The following HS6ST3 variants were observed in gnomAD, a reference collection of about 807,000 sequenced individuals.
HS6ST3 encodes heparan-sulfate 6-O-sulfotransferase 3.
A neutral mutation model predicts 36.7 loss-of-function variants in HS6ST3; 12 were observed. The ratio of observed to expected loss-of-function variants is 0.33; its 90% CI spans 0.21 to 0.53. The LOEUF is 0.53. HS6ST3 is among the 20% of genes least tolerant of loss of function. The probability of loss-of-function intolerance (pLI) is 0.95; values close to 1 mark genes in which losing one functional copy is unlikely to be tolerated. For missense variants in HS6ST3, 584 were observed against 640.9 expected (o/e 0.91, Z 0.96); for synonymous variants, 240 against 257.5 (o/e 0.93, Z 0.65).
At chr13:96,268,229 G>C (rs1329192029) in intron 1 of HS6ST3, among the ~76,000 whole-genome samples, 1 of 151,974 alleles carries the variant, frequency 6.6e-6, no homozygotes, top group East Asian at 1.9e-4. Flanking sequence ...TGCTAATAAA[G>C]ACATACCAGA....
rs145081903 is a variant in HS6ST3 at position 96,108,952 on chromosome 13, C to CCTATCTCTATCTCTATCT, written c.707+17413_707+17430dup. On this transcript the variant is annotated intron_variant, in intron 1 of 1. Coordinates refer to ENST00000376705, the MANE Select transcript of HS6ST3 (RefSeq NM_153456.4). ...AAAGGTTAAATCTGTGACAACCACT[C>CCTATCTCTATCTCTATCT]CTATCTCTATCTCTATCTCTATCTC... 4.4e-3 allele frequency among the ~76,000 whole-genome samples: 658 copies of CCTATCTCTATCTCTATCT among 147,918 alleles called. 6 individuals are homozygous for CCTATCTCTATCTCTATCT. Among genetic ancestry groups the CCTATCTCTATCTCTATCT allele is most frequent in the African/African-American group, 0.011 (424 of 40,072 alleles).
At chr13:96,486,843 G>A (rs908688269) in intron 1 of HS6ST3, among the ~76,000 whole-genome samples, 1 of 152,136 alleles carries the variant, frequency 6.6e-6, no homozygotes, top group Non-Finnish European at 1.5e-5. Flanking sequence ...ACCCTCAACT[G>A]AGAAGGCAGT....
At chr13:96,190,649 G>A (rs947598268) in intron 1 of HS6ST3, among the ~76,000 whole-genome samples, 1 of 152,258 alleles carries the variant, frequency 6.6e-6, no homozygotes, top group Middle Eastern at 3.4e-3. Flanking sequence ...ACATTTTGAA[G>A]GTTGGGAGAC....
At chr13:96,551,415 T>C (rs2056218930) in intron 1 of HS6ST3, among the ~76,000 whole-genome samples, 1 of 152,188 alleles carries the variant, frequency 6.6e-6, no homozygotes, top group South Asian at 2.1e-4. Flanking sequence ...TAAAAATGTA[T>C]GTATTCATTC....
chr13:96,738,269 T>A (rs927470424), intron 1 of HS6ST3, among the ~76,000 whole-genome samples: 18 of 152,222 alleles, frequency 1.2e-4, no homozygotes, highest in Non-Finnish European at 8.8e-5. Context: ...GTCCATAAGA[T>A]AACAATTGCA....
At chr13:96,797,983 C>A (rs1877955035) in intron 1 of HS6ST3, among the ~76,000 whole-genome samples, 1 of 152,044 alleles carries the variant, frequency 6.6e-6, no homozygotes, top group African/African-American at 2.4e-5. Context: ...ACTTCTGATG[C>A]AATTCACAAG....
chr13:96,359,823 G>C (rs1266718061), intron 1 of HS6ST3, among the ~76,000 whole-genome samples: 4 of 152,158 alleles, frequency 2.6e-5, no homozygotes, highest in Non-Finnish European at 2.9e-5. Flanking sequence ...TTTTCAAGGA[G>C]AGCAAGTTGC....
intron 1 of HS6ST3, among the ~76,000 whole-genome samples, chr13:96,451,810 G>A (rs1355965917): frequency 6.6e-6 from 1 of 152,134 alleles, no homozygotes; most frequent in Admixed American, 6.6e-5. Context: ...TAAATGTACA[G>A]AAAAGGAAAT....
intron 1 of HS6ST3, among the ~76,000 whole-genome samples, chr13:96,517,725 A>AT (rs2056078012): frequency 6.6e-6 from 1 of 151,830 alleles, no homozygotes; most frequent in East Asian, 1.9e-4. Flanking sequence ...ACCAAATGTT[A>AT]TTTTTTTCTG....
intron 1 of HS6ST3, among the ~76,000 whole-genome samples, chr13:96,138,788 G>A (rs915375206): frequency 6.6e-6 from 1 of 151,978 alleles, no homozygotes; most frequent in Non-Finnish European, 1.5e-5. Flanking sequence ...AAGTACTTAC[G>A]TGAGATACAG....
chr13:96,091,203 C>T lies in HS6ST3; in HGVS notation c.341C>T (p.Ala114Val), dbSNP rs1471123689. Reference sequence around the variant, plus strand: ...GAGGAAGACGAGCCGGACCCCGAGGCCCCGGAAAACGGCTCCCTGCCCCGA... The same window carrying T: ...GAGGAAGACGAGCCGGACCCCGAGGTCCCGGAAAACGGCTCCCTGCCCCGA... ...EEEEDEPDPEAPENGSLPRFV... is the reference protein window; with the variant it reads ...EEEEDEPDPEVPENGSLPRFV... Residue 114 changes from alanine (A) to valine (V), a missense_variant, in exon 1 of 2, where the codon GCC becomes GTC. Around this residue, in one of 3 missense-constraint regions of HS6ST3, gnomAD observed 217 missense variants for 205.4 expected, o/e 1.06. Transcript: ENST00000376705. 12 of 1,561,236 alleles carry T rather than the reference C, an allele frequency of 7.7e-6. No individual in the cohort carries two copies. Among genetic ancestry groups the T allele is most frequent in the Admixed American group, 1.9e-5 (1 of 52,240 alleles).
chr13:96,230,874 C>A (rs191728492), intron 1 of HS6ST3, among the ~76,000 whole-genome samples: 47 of 152,052 alleles, frequency 3.1e-4, no homozygotes, highest in Middle Eastern at 3.4e-3. Context: ...ATGTTAGGAT[C>A]CAAATGATTA....
intron 1 of HS6ST3, among the ~76,000 whole-genome samples, chr13:96,684,094 A>G (rs1477370710): frequency 6.6e-6 from 1 of 152,090 alleles, no homozygotes; most frequent in African/African-American, 2.4e-5. Flanking sequence ...ACTAACACTG[A>G]TTTCACACAT....
intron 1 of HS6ST3, among the ~76,000 whole-genome samples, chr13:96,484,075 G>A (rs76271079): frequency 2.7e-3 from 409 of 152,008 alleles, no homozygotes; most frequent in African/African-American, 9.6e-3. Flanking sequence ...ATCTATTTCT[G>A]AGCTCTACAT....
chr13:96,380,273 T>C (rs2055334789), intron 1 of HS6ST3, among the ~76,000 whole-genome samples: 1 of 151,790 alleles, frequency 6.6e-6, no homozygotes, highest in Non-Finnish European at 1.5e-5. Context: ...ACTTTTTTTT[T>C]TTTTTTTTCG....
At chr13:96,317,372 T>TTTTA (rs2054979839) in intron 1 of HS6ST3, among the ~76,000 whole-genome samples, 6 of 52,202 alleles carry the variant, frequency 1.1e-4, no homozygotes, top group African/African-American at 2.9e-4. Context: ...ATATATAAAA[T>TTTTA]TATATATATA....
chr13:96,789,894 A>C (rs1455816802), intron 1 of HS6ST3, among the ~76,000 whole-genome samples: 2 of 151,732 alleles, frequency 1.3e-5, no homozygotes, highest in Admixed American at 1.3e-4. Flanking sequence ...CTGGGTTGGA[A>C]TTTTTTTAAG....
intron 1 of HS6ST3, among the ~76,000 whole-genome samples, chr13:96,585,235 C>A (rs761790192): frequency 6.6e-6 from 1 of 151,562 alleles, no homozygotes; most frequent in Non-Finnish European, 1.5e-5. Flanking sequence ...TTTTTTCTTC[C>A]TTTTTATAGG....
intron 1 of HS6ST3, among the ~76,000 whole-genome samples, chr13:96,524,345 G>A (rs977415415): frequency 6.6e-5 from 10 of 152,182 alleles, no homozygotes; most frequent in Admixed American, 2.0e-4. Flanking sequence ...CAGTCTGTCC[G>A]TTGTCAGAGC....
Sources: allele counts gnomAD v4.1 joint callset (sites outside exome capture counted in the v4.1 genomes callset), GRCh38; gene constraint gnomAD v4.1.1; regional missense constraint gnomAD v4.1.1; transcripts MANE v1.5; gene names NCBI Gene and HGNC (gene_info 2026-07-23, HGNC 2026-07-21).